Variants in KAZN observed in about 807,000 individuals in gnomAD.
The protein encoded by KAZN is kazrin.
KAZN carries 40 observed loss-of-function variants against 87.4 expected under a neutral mutation model. That is an observed-to-expected ratio of 0.46 (90% confidence interval 0.36 to 0.60). KAZN has a LOEUF of 0.60. Among genes scored for constraint, KAZN ranks in the 20% least tolerant of loss-of-function variants. The pLI is 0.00. For synonymous variants in KAZN, 466 were observed against 458.3 expected, an observed-to-expected ratio of 1.02 and a Z score of -0.22; for missense variants, 898 against 1,073.9, an observed-to-expected ratio of 0.84 and a Z score of 2.29.
At chr1:14,821,206 G>A (rs977508627) in intron 1 of KAZN, among the ~76,000 whole-genome samples, 5 of 152,142 alleles carry the variant, frequency 3.3e-5, no homozygotes, top group African/African-American at 9.7e-5. Flanking sequence ...CCAGACCTCA[G>A]AATGTGACTG....
At chr1:14,125,341 T>A (rs746486583) in intron 1 of KAZN, among the ~76,000 whole-genome samples, 1 of 152,148 alleles carries the variant, frequency 6.6e-6, no homozygotes, top group Non-Finnish European at 1.5e-5. Context: ...CAGAAAGATA[T>A]GTCCATGTCC....
intron 2 of KAZN, among the ~76,000 whole-genome samples, chr1:14,318,012 C>A (rs1655779344): frequency 6.6e-6 from 1 of 151,666 alleles, no homozygotes; most frequent in African/African-American, 2.4e-5. Flanking sequence ...TTCTTTTTTC[C>A]CCTTTTCCAT....
intron 1 of KAZN, among the ~76,000 whole-genome samples, chr1:14,172,719 T>C (rs1645981477): frequency 6.6e-6 from 1 of 152,226 alleles, no homozygotes; most frequent in Non-Finnish European, 1.5e-5. Flanking sequence ...CTTGAATCAT[T>C]GAGATGGCTG....
intron 1 of KAZN, among the ~76,000 whole-genome samples, chr1:14,944,897 G>C (rs1474225762): frequency 6.6e-6 from 1 of 152,208 alleles, no homozygotes; most frequent in East Asian, 1.9e-4. Flanking sequence ...GAGGCCTCTT[G>C]CCCGCCTGCC....
chr1:13,982,754 A>G lies in KAZN; in HGVS notation c.91+88998A>G, dbSNP rs193035073. On this transcript the variant is annotated intron_variant, in intron 1 of 16. Transcript: ENST00000636203. ...CAACACAAAGGTTCTCCAAGGCCCCACCAGAGCAGCTAGATACAGAGTGTC... is the reference window on the plus strand; with the variant it reads ...CAACACAAAGGTTCTCCAAGGCCCCGCCAGAGCAGCTAGATACAGAGTGTC... Among the ~76,000 whole-genome samples, 480 of 152,318 alleles carry G rather than the reference A, an allele frequency of 3.2e-3. 7 individuals carry two copies. The East Asian group carries it at 0.059, about 19-fold the overall frequency.
At chr1:14,365,168 C>T (rs1477712708) in intron 2 of KAZN, among the ~76,000 whole-genome samples, 4 of 151,964 alleles carry the variant, frequency 2.6e-5, no homozygotes, top group Non-Finnish European at 4.4e-5. Flanking sequence ...CTCAGCCTCC[C>T]GAGTAGCTGG....
chr1:14,417,485 T>C (rs997081272), intron 2 of KAZN, among the ~76,000 whole-genome samples: 2 of 152,202 alleles, frequency 1.3e-5, no homozygotes, highest in Non-Finnish European at 2.9e-5. Flanking sequence ...CAGTCTACAA[T>C]GTATTTGTCC....
At chr1:14,310,869 C>G (rs1461098724) in intron 2 of KAZN, among the ~76,000 whole-genome samples, 1 of 152,220 alleles carries the variant, frequency 6.6e-6, no homozygotes, top group Non-Finnish European at 1.5e-5. Context: ...GATACCCAAT[C>G]TTGGCAGTGA....
chr1:14,095,707 A>G (rs971932835), intron 1 of KAZN, among the ~76,000 whole-genome samples: 18 of 152,126 alleles, frequency 1.2e-4, no homozygotes, highest in Non-Finnish European at 2.9e-5. Flanking sequence ...GTGGCTTGGG[A>G]TTCCTCACAA....
At chr1:14,712,264 A>T (rs1184299329) in intron 1 of KAZN, among the ~76,000 whole-genome samples, 3 of 152,182 alleles carry the variant, frequency 2.0e-5, no homozygotes, top group Non-Finnish European at 4.4e-5. Flanking sequence ...GGGAGACAGG[A>T]GGCTGTGAGA....
intron 1 of KAZN, among the ~76,000 whole-genome samples, chr1:14,802,448 G>T (rs1042123199): frequency 9.9e-5 from 15 of 151,826 alleles, no homozygotes; most frequent in Non-Finnish European, 1.6e-4. Flanking sequence ...CCACCCAGGG[G>T]ACACTGGGCA....
chr1:14,544,459 T>C (rs996149800), intron 2 of KAZN, among the ~76,000 whole-genome samples: 3 of 150,020 alleles, frequency 2.0e-5, no homozygotes, highest in Admixed American at 1.4e-4. Flanking sequence ...GATCAGAATG[T>C]ATAAAGACCA....
intron 2 of KAZN, among the ~76,000 whole-genome samples, chr1:14,321,039 T>G (rs1438630183): frequency 6.6e-6 from 1 of 152,164 alleles, no homozygotes; most frequent in Non-Finnish European, 1.5e-5. Flanking sequence ...AAAATCATAT[T>G]CTCTGGAATT....
At chr1:14,316,227 T>C (rs528216839) in intron 2 of KAZN, among the ~76,000 whole-genome samples, 1 of 152,206 alleles carries the variant, frequency 6.6e-6, no homozygotes, top group East Asian at 1.9e-4. Flanking sequence ...TGTTCAAGTC[T>C]TTTGCCCATT....
chr1:15,084,259 G>A (rs549956885), intron 8 of KAZN, among the ~76,000 whole-genome samples: 28 of 152,272 alleles, frequency 1.8e-4, no homozygotes, highest in African/African-American at 5.5e-4. Flanking sequence ...TGATGACCTC[G>A]GCAATCACTT....
At chr1:15,048,508 C>T (rs1248251209) in intron 4 of KAZN, among the ~76,000 whole-genome samples, 2 of 152,236 alleles carry the variant, frequency 1.3e-5, no homozygotes, top group African/African-American at 2.4e-5. Context: ...CCGTTGCCCC[C>T]GCAGGAGCCT....
intron 1 of KAZN, among the ~76,000 whole-genome samples, chr1:14,897,390 T>C (rs1401068742): frequency 2.0e-5 from 3 of 152,202 alleles, no homozygotes; most frequent in Admixed American, 1.3e-4. Context: ...CATGATTGGC[T>C]TAAACCAGCA....
chr1:15,038,526 C>G (rs1179350102), intron 3 of KAZN, among the ~76,000 whole-genome samples: 1 of 152,130 alleles, frequency 6.6e-6, no homozygotes, highest in African/African-American at 2.4e-5. Context: ...ATGGTATTAC[C>G]AATAGCAGAC....
At chr1:14,332,545 T>C (rs1384457113) in intron 2 of KAZN, among the ~76,000 whole-genome samples, 3 of 152,186 alleles carry the variant, frequency 2.0e-5, no homozygotes, top group Non-Finnish European at 4.4e-5. Flanking sequence ...TCTAGCTCTT[T>C]TATGGAGTTG....
Sources: gnomAD v4.1 joint callset for allele counts (sites outside exome capture counted in the v4.1 genomes callset) on GRCh38, gnomAD v4.1.1 for gene constraint, MANE v1.5 for transcripts, NCBI Gene and HGNC (gene_info 2026-07-23, HGNC 2026-07-21) for gene names.